Variants in ROBO1 observed in about 807,000 individuals in gnomAD.
ROBO1 encodes the protein roundabout homolog 1.
Under a neutral mutation model 195.9 loss-of-function variants are expected in ROBO1, and 149 were observed. The observed-to-expected ratio is 0.76, with a 90% CI of 0.67 to 0.87. ROBO1 has a LOEUF of 0.87. Among genes scored for constraint, ROBO1 ranks in the 40% least tolerant of loss-of-function variants. The pLI is 0.00. For missense variants in ROBO1, 1,933 were observed against 2,068.3 expected, an observed-to-expected ratio of 0.93 and a Z score of 1.27; for synonymous variants, 816 against 733.2, an observed-to-expected ratio of 1.11 and a Z score of -1.82.
intron 7 of ROBO1, among the ~76,000 whole-genome samples, chr3:78,715,580 GGAGT>G (rs1355764564): frequency 2.0e-5 from 3 of 152,126 alleles, no homozygotes; most frequent in Admixed American, 6.5e-5. Context: ...CGCTCAGGCT[GGAGT>G]GTAGTGGCGC....
intron 3 of ROBO1, among the ~76,000 whole-genome samples, chr3:79,071,720 ACATG>A (rs751016709): frequency 0.74 from 100,369 of 134,906 alleles, 35,594 homozygotes; most frequent in South Asian, 0.85. Context: ...ACACACATGC[ACATG>A]CACACACACA....
chr3:79,603,719 C>A (rs942167070), intron 1 of ROBO1, among the ~76,000 whole-genome samples: 4 of 151,824 alleles, frequency 2.6e-5, no homozygotes, highest in Non-Finnish European at 5.9e-5. Context: ...AGGGTGATTG[C>A]CAAATTTTAG....
intron 2 of ROBO1, among the ~76,000 whole-genome samples, chr3:79,349,231 G>A (rs149214440): frequency 6.6e-6 from 1 of 152,144 alleles, no homozygotes; most frequent in South Asian, 2.1e-4. Context: ...TCAACTTGAA[G>A]TAAATGCTTC....
At chr3:79,022,569 C>T (rs2078123389) in intron 3 of ROBO1, among the ~76,000 whole-genome samples, 1 of 152,172 alleles carries the variant, frequency 6.6e-6, no homozygotes, top group South Asian at 2.1e-4. Context: ...TGTGAGTGTA[C>T]ACATGTGGAC....
chr3:78,846,598 T>C (rs756875301), intron 4 of ROBO1, among the ~76,000 whole-genome samples: 12 of 152,256 alleles, frequency 7.9e-5, no homozygotes, highest in Non-Finnish European at 1.6e-4. Context: ...AATATAATAT[T>C]TGATTCAGAC....
At chr3:78,898,591 G>A (rs867966280) in intron 4 of ROBO1, among the ~76,000 whole-genome samples, 28 of 151,284 alleles carry the variant, frequency 1.9e-4, no homozygotes, top group Non-Finnish European at 3.4e-4. Context: ...GGGTTTCACC[G>A]TGTTAGCCAG....
At chr3:79,712,833 C>T (rs1702326956) in intron 1 of ROBO1, among the ~76,000 whole-genome samples, 1 of 151,982 alleles carries the variant, frequency 6.6e-6, no homozygotes, top group African/African-American at 2.4e-5. Flanking sequence ...ATCCTAGTGC[C>T]CTTAAGAATG....
chr3:79,746,103 T>A (rs2107452009), intron 1 of ROBO1, among the ~76,000 whole-genome samples: 1 of 152,210 alleles, frequency 6.6e-6, no homozygotes, highest in South Asian at 2.1e-4. Flanking sequence ...CTATCATAAG[T>A]GGGATATTCA....
rs141357160 is a variant in ROBO1, at chr3:79,607,759, T to C, written c.-50-17798A>G. On this transcript the variant is annotated intron_variant, in intron 1 of 30. Transcript: ENST00000464233. ...GGCAAATATTTTAAATAGATTTAATTCCTAAAATAAATTCTTCCTCTCTCA... is the reference window on the plus strand; with the variant it reads ...GGCAAATATTTTAAATAGATTTAATCCCTAAAATAAATTCTTCCTCTCTCA... Among the ~76,000 whole-genome samples the C allele has an allele frequency of 1.2e-3, 182 of 152,116 alleles. 2 individuals carry two copies. Among genetic ancestry groups the C allele is most frequent in the African/African-American group, 4.1e-3 (169 of 41,538 alleles).
intron 4 of ROBO1, among the ~76,000 whole-genome samples, chr3:78,917,457 T>C (rs2038680010): frequency 6.6e-6 from 1 of 152,122 alleles, no homozygotes; most frequent in Admixed American, 6.6e-5. Flanking sequence ...TTATGAAAAA[T>C]TAAGCTAAAT....
At chr3:79,017,221 C>A (rs915841871) in intron 3 of ROBO1, among the ~76,000 whole-genome samples, 5 of 152,092 alleles carry the variant, frequency 3.3e-5, no homozygotes, top group African/African-American at 1.2e-4. Flanking sequence ...GGGGTTTATT[C>A]GCTATCATTT....
intron 22 of ROBO1, among the ~76,000 whole-genome samples, chr3:78,638,045 CA>C (rs1705640291): frequency 6.6e-6 from 1 of 150,860 alleles, no homozygotes; most frequent in Non-Finnish European, 1.5e-5. Flanking sequence ...TTAAATCTTG[CA>C]GACTGTACAT....
At chr3:79,754,629 G>A (rs1484740719) in intron 1 of ROBO1, among the ~76,000 whole-genome samples, 8 of 152,158 alleles carry the variant, frequency 5.3e-5, no homozygotes, top group African/African-American at 1.9e-4. Context: ...AGTTTGGAGA[G>A]ACTTAATGGA....
At chr3:79,290,530 T>C (rs2032182544) in intron 2 of ROBO1, among the ~76,000 whole-genome samples, 1 of 152,158 alleles carries the variant, frequency 6.6e-6, no homozygotes, top group Admixed American at 6.5e-5. Context: ...TGGAAGCTGA[T>C]ATACTATCCA....
intron 4 of ROBO1, among the ~76,000 whole-genome samples, chr3:78,828,198 T>C (rs2031812063): frequency 6.6e-6 from 1 of 152,206 alleles, no homozygotes; most frequent in African/African-American, 2.4e-5. Context: ...TTACTTCCTC[T>C]TCTTCTCAGC....
chr3:79,202,088 G>A (rs1165948244), intron 2 of ROBO1, among the ~76,000 whole-genome samples: 4 of 151,800 alleles, frequency 2.6e-5, no homozygotes, highest in Admixed American at 6.6e-5. Context: ...AAGTCTGGGC[G>A]GCAGCCCTCC....
chr3:78,700,139 G>A (rs555302062), intron 8 of ROBO1, among the ~76,000 whole-genome samples: 5 of 152,030 alleles, frequency 3.3e-5, no homozygotes, highest in African/African-American at 4.8e-5. Context: ...TTTAAATATC[G>A]GTTGAAAGGT....
chr3:79,430,137 TA>T (rs750031944), intron 2 of ROBO1, among the ~76,000 whole-genome samples: 14 of 152,142 alleles, frequency 9.2e-5, no homozygotes, highest in South Asian at 4.1e-4. Context: ...AAATAAAAAT[TA>T]AAGACTTTAA....
intron 2 of ROBO1, among the ~76,000 whole-genome samples, chr3:79,141,339 G>A (rs2080520726): frequency 6.6e-6 from 1 of 152,042 alleles, no homozygotes; most frequent in Admixed American, 6.6e-5. Context: ...TTCCTCTATC[G>A]TCTCCTCATT....
Sources: allele counts gnomAD v4.1 joint callset (sites outside exome capture counted in the v4.1 genomes callset), GRCh38; gene constraint gnomAD v4.1.1; transcripts MANE v1.5; gene names NCBI Gene and HGNC (gene_info 2026-07-23, HGNC 2026-07-21).